DGKI: variants seen among roughly 807,000 people sequenced by gnomAD.
The protein encoded by DGKI is DAG kinase iota.
DGKI carries 55 observed loss-of-function variants against 147.5 expected under a neutral mutation model. The ratio of observed to expected loss-of-function variants is 0.37; its 90% confidence interval spans 0.30 to 0.47. DGKI has a LOEUF of 0.47. Among genes scored for constraint, DGKI ranks in the 20% least tolerant of loss-of-function variants. The probability of loss-of-function intolerance (pLI) is 1.00; values close to 1 mark genes in which losing one functional copy is unlikely to be tolerated. For missense variants in DGKI, 1,007 were observed against 1,323.8 expected (o/e 0.76, Z 3.71); for synonymous variants, 469 against 477.1 (o/e 0.98, Z 0.22).
At chr7:137,540,118 A>G (rs1817640118) in intron 20 of DGKI, among the ~76,000 whole-genome samples, 1 of 152,234 alleles carries the variant, frequency 6.6e-6, no homozygotes, top group Non-Finnish European at 1.5e-5. Context: ...AGAGGAAAAA[A>G]TCTTGTGGCT....
At chr7:137,549,860 T>C (rs1311742279) in intron 20 of DGKI, among the ~76,000 whole-genome samples, 1 of 152,222 alleles carries the variant, frequency 6.6e-6, no homozygotes, top group African/African-American at 2.4e-5. Context: ...AAGATCAGAA[T>C]GAGAGCAATT....
In DGKI at chr7:137,745,234, C is replaced by T. The variant is rs1348279202; in HGVS notation, c.402-55232G>A. ...CTAGCCGGTGTTATGGAAAGGATTA[C>T]TTTGATGACCCCTTTGTTTATGTAG... On this transcript the variant is annotated intron_variant, in intron 1 of 32. Transcript: ENST00000614521. Among the ~76,000 whole-genome samples, 2 of 152,152 alleles carry T rather than the reference C, an allele frequency of 1.3e-5. 1 individual carries two copies. The highest frequency in any genetic ancestry group is 1.3e-4 in the Admixed American group (2 of 15,278).
At chr7:137,517,495 A>G (rs1302767426) in intron 21 of DGKI, among the ~76,000 whole-genome samples, 1 of 152,084 alleles carries the variant, frequency 6.6e-6, no homozygotes, top group East Asian at 1.9e-4. Context: ...TGACAACTCA[A>G]TGCAATATGG....
chr7:137,448,228 C>T (rs1430312225), intron 27 of DGKI, among the ~76,000 whole-genome samples: 5 of 142,632 alleles, frequency 3.5e-5, no homozygotes, highest in Admixed American at 2.9e-4. Flanking sequence ...TTGAAGATAA[C>T]AGAGACAAAG....
At chr7:137,661,325 C>T (rs754107449) in intron 3 of DGKI, among the ~76,000 whole-genome samples, 4 of 152,154 alleles carry the variant, frequency 2.6e-5, no homozygotes, top group Non-Finnish European at 5.9e-5. Flanking sequence ...AAAGTCTGAG[C>T]TCATGGCACC....
intron 11 of DGKI, among the ~76,000 whole-genome samples, chr7:137,598,695 T>G (rs1045384534): frequency 2.6e-5 from 4 of 152,196 alleles, no homozygotes; most frequent in Non-Finnish European, 1.5e-5. Flanking sequence ...ATATGGTTTT[T>G]TTCTGAAAAT....
At position 137,512,416 on chromosome 7, in the gene DGKI, G is replaced by C. The variant is rs372269773; in HGVS notation, c.2248+9450C>G. 2.0e-5 allele frequency among the ~76,000 whole-genome samples: 3 copies of C among 152,272 alleles called. No individual in the cohort carries two copies. In the South Asian group the frequency reaches 6.2e-4, roughly 32 times the overall value. The stretch of plus-strand genomic sequence containing the variant: ...TGCACTACTCAAACCTTAGCAAGAT[G>C]AATGAAAGTAATAATTTTATACAAA... On this transcript the variant is annotated intron_variant, in intron 21 of 32. Transcript: ENST00000614521.
At chr7:137,448,374 A>G (rs1258314513) in intron 27 of DGKI, among the ~76,000 whole-genome samples, 1 of 151,696 alleles carries the variant, frequency 6.6e-6, no homozygotes, top group Non-Finnish European at 1.5e-5. Context: ...CATGACATCT[A>G]TGCAAAAATA....
intron 27 of DGKI, among the ~76,000 whole-genome samples, chr7:137,445,230 T>C (rs1453488884): frequency 1.3e-5 from 2 of 152,244 alleles, no homozygotes; most frequent in Non-Finnish European, 2.9e-5. Context: ...CTGTTTATTA[T>C]GTGAGTGAAC....
At chr7:137,463,119 C>T (rs1021655379) in intron 27 of DGKI, among the ~76,000 whole-genome samples, 2 of 152,150 alleles carry the variant, frequency 1.3e-5, no homozygotes, top group Non-Finnish European at 2.9e-5. Context: ...AATGAAAAAC[C>T]ACGTGTCACT....
At chr7:137,652,391 A>C (rs1822060351) in intron 5 of DGKI, among the ~76,000 whole-genome samples, 1 of 152,194 alleles carries the variant, frequency 6.6e-6, no homozygotes, top group African/African-American at 2.4e-5. Context: ...CTATCAATTG[A>C]GAGAGATACA....
chr7:137,750,701 C>T (rs766992845), intron 1 of DGKI, among the ~76,000 whole-genome samples: 1 of 152,258 alleles, frequency 6.6e-6, no homozygotes, highest in Non-Finnish European at 1.5e-5. Flanking sequence ...AGCAGTTCAA[C>T]AAGGCAACGG....
chr7:137,399,517 G>C (rs926550556), intron 30 of DGKI, among the ~76,000 whole-genome samples: 1 of 152,154 alleles, frequency 6.6e-6, no homozygotes, highest in Non-Finnish European at 1.5e-5. Context: ...GCTCTATATA[G>C]ACTAGGTCTT....
chr7:137,410,130 G>A lies in DGKI; in HGVS notation c.2799+2040C>T, dbSNP rs1812107480. ...CAGTAAATAAGGTGTTATTGGCCAGGTGCGGTGGCTCACATCTGTAATCCC... is the reference window on the plus strand; with the variant it reads ...CAGTAAATAAGGTGTTATTGGCCAGATGCGGTGGCTCACATCTGTAATCCC... On this transcript the variant is annotated intron_variant, in intron 29 of 32. Coordinates refer to ENST00000614521, the MANE Select transcript of DGKI (RefSeq NM_001321708.2). Among the ~76,000 whole-genome samples the A allele has an allele frequency of 2.0e-5, 3 of 152,238 alleles. No individual in the cohort carries two copies. The South Asian group carries it at 6.2e-4, about 32-fold the overall frequency.
chr7:137,571,347 G>GAAGGAT, intron 18 of DGKI, 61 bp from the exon 19 acceptor site: 1 of 1,241,662 alleles, frequency 8.1e-7, no homozygotes, highest in Non-Finnish European at 1.2e-6. Flanking sequence ...ACTATCATGA[G>GAAGGAT]GTGTTAGTTT....
chr7:137,645,591 G>GAGCAAGACCCT, intron 5 of DGKI, 54 bp from the exon 6 acceptor site: 1 of 1,505,520 alleles, frequency 6.6e-7, no homozygotes, highest in Non-Finnish European at 9.0e-7. Context: ...TCTATAGACA[G>GAGCAAGACCCT]GGTCTTGCTC....
intron 21 of DGKI, among the ~76,000 whole-genome samples, chr7:137,502,421 G>T (rs1188431889): frequency 1.3e-5 from 2 of 151,868 alleles, no homozygotes; most frequent in East Asian, 3.9e-4. Context: ...AGGGAGGGGT[G>T]GAACAAATAT....
At chr7:137,845,642 A>AT (rs1798690067) in intron 1 of DGKI, among the ~76,000 whole-genome samples, 1 of 152,072 alleles carries the variant, frequency 6.6e-6, no homozygotes, top group South Asian at 2.1e-4. Flanking sequence ...ATAAATCCTA[A>AT]TTCCTCGTTG....
At position 137,475,644 on chromosome 7, in the gene DGKI, G is replaced by A. The variant is rs532565806; in HGVS notation, c.2374-6025C>T. On this transcript the variant is annotated intron_variant, in intron 23 of 32. Transcript: ENST00000614521. Reference sequence around the variant, plus strand: ...GCCAATGAAATGCAAGGCATGTGACGGAAGGTCACAAAAAACGAAGCATGG... The same window carrying A: ...GCCAATGAAATGCAAGGCATGTGACAGAAGGTCACAAAAAACGAAGCATGG... Among the ~76,000 whole-genome samples, 73 of 152,216 alleles carry A rather than the reference G, an allele frequency of 4.8e-4. 1 individual carries two copies. Among genetic ancestry groups the A allele is most frequent in the African/African-American group, 7.2e-4 (30 of 41,548 alleles).
Sources: allele counts gnomAD v4.1 joint callset (sites outside exome capture counted in the v4.1 genomes callset), GRCh38; gene constraint gnomAD v4.1.1; transcripts MANE v1.5; gene names NCBI Gene and HGNC (gene_info 2026-07-23, HGNC 2026-07-21).